Variants in ATP8A2 observed in about 807,000 individuals in gnomAD.
ATP8A2 encodes the protein ATPase phospholipid transporting 8A2.
Under a neutral mutation model 165.6 loss-of-function variants are expected in ATP8A2, and 100 were observed. The observed-to-expected ratio is 0.60, with a 90% CI of 0.51 to 0.71. The LOEUF (loss-of-function observed/expected upper bound fraction) is 0.71, where lower values mean the gene tolerates loss of function less well. Among genes scored for constraint, ATP8A2 ranks in the 30% least tolerant of loss-of-function variants. ATP8A2 has a pLI of 0.00. For synonymous variants in ATP8A2, 543 were observed against 548.8 expected, an observed-to-expected ratio of 0.99 and a Z score of 0.15; for missense variants, 1,227 against 1,479.5, an observed-to-expected ratio of 0.83 and a Z score of 2.80.
At chr13:25,375,061 A>G (rs2137900558) in intron 1 of ATP8A2, among the ~76,000 whole-genome samples, 1 of 152,168 alleles carries the variant, frequency 6.6e-6, no homozygotes, top group East Asian at 1.9e-4. Flanking sequence ...GCTTTCCCCA[A>G]ATATCTACTT....
intron 24 of ATP8A2, among the ~76,000 whole-genome samples, chr13:25,608,300 C>T (rs953987033): frequency 6.6e-6 from 1 of 152,166 alleles, no homozygotes; most frequent in Admixed American, 6.5e-5. Context: ...AAAGCATATC[C>T]AAACCATAGC....
intron 30 of ATP8A2, among the ~76,000 whole-genome samples, chr13:25,847,379 T>A (rs951106529): frequency 2.6e-5 from 4 of 152,268 alleles, no homozygotes; most frequent in Admixed American, 2.6e-4. Context: ...TGACTTTAGC[T>A]GTTTTCCTGT....
intron 28 of ATP8A2, among the ~76,000 whole-genome samples, chr13:25,834,421 GA>G (rs1286369696): frequency 6.6e-6 from 1 of 152,022 alleles, no homozygotes; most frequent in East Asian, 1.9e-4. Context: ...AGAGATAAAA[GA>G]AAAAGTCTGT....
rs761839875 is a variant in ATP8A2 at position 25,839,631 on chromosome 13, G to A, written c.2956+7G>A. On this transcript the variant is annotated splice_region_variant and intron_variant, in intron 30 of 36. Transcript: ENST00000381655. ...ATGAAAGCTCTGGAGCATGGTAAGG[G>A]CTGTGTGATTTCACCTGTCAGCAAG... 6.2e-7 allele frequency: 1 copy of A among 1,612,254 alleles called. No individual in the cohort carries two copies. The highest frequency in any genetic ancestry group is 2.2e-5 in the East Asian group (1 of 44,862).
intron 25 of ATP8A2, among the ~76,000 whole-genome samples, chr13:25,712,330 G>A (rs1378665732): frequency 2.0e-5 from 3 of 151,638 alleles, no homozygotes; most frequent in Non-Finnish European, 4.4e-5. Flanking sequence ...CAGGTGTGGA[G>A]GTGGCTTATG....
intron 1 of ATP8A2, among the ~76,000 whole-genome samples, chr13:25,440,617 T>C (rs892909258): frequency 6.6e-6 from 1 of 152,158 alleles, no homozygotes; most frequent in South Asian, 2.1e-4. Flanking sequence ...GGAGAAGATA[T>C]TGCTCCATAG....
chr13:25,538,685 G>T (rs2038365974), intron 7 of ATP8A2, among the ~76,000 whole-genome samples: 2 of 152,206 alleles, frequency 1.3e-5, no homozygotes, highest in Admixed American at 1.3e-4. Context: ...ATTAGGGCAA[G>T]AATTGACATC....
At chr13:25,775,408 A>C (rs2044719487) in intron 27 of ATP8A2, among the ~76,000 whole-genome samples, 1 of 152,282 alleles carries the variant, frequency 6.6e-6, no homozygotes. Flanking sequence ...AGACTCTGCA[A>C]GTTTCCTAGC....
At chr13:25,674,425 C>T (rs2042331558) in intron 24 of ATP8A2, among the ~76,000 whole-genome samples, 1 of 152,130 alleles carries the variant, frequency 6.6e-6, no homozygotes, top group African/African-American at 2.4e-5. Flanking sequence ...CTTTAGGCCC[C>T]CAAACCAGAT....
In ATP8A2 at chr13:25,614,715, C is replaced by T. The variant is rs139168051; in HGVS notation, c.2211+25016C>T. 1.2e-3 allele frequency among the ~76,000 whole-genome samples: 188 copies of T among 152,248 alleles called. 2 individuals carry two copies. Among genetic ancestry groups the T allele is most frequent in the African/African-American group, 4.1e-3 (169 of 41,540 alleles). ...GGTGTTCTCTTGATGTGGTGCTCTC[C>T]GCCTTTTCCTAGGCATGGGGCTTCC... On this transcript the variant is annotated intron_variant, in intron 24 of 36. Coordinates refer to ENST00000381655, the MANE Select transcript of ATP8A2 (RefSeq NM_016529.6).
chr13:25,520,606 G>GTTTTTTTTTTTTTTT, intron 2 of ATP8A2, among the ~76,000 whole-genome samples: 1 of 114,028 alleles, frequency 8.8e-6, no homozygotes, highest in Non-Finnish European at 1.9e-5. Context: ...TTTTTTTTTT[G>GTTTTTTTTTTTTTTT]TTTTTTTTTT....
chr13:25,735,433 A>T (rs2043746084), intron 25 of ATP8A2, among the ~76,000 whole-genome samples: 1 of 151,856 alleles, frequency 6.6e-6, no homozygotes, highest in African/African-American at 2.4e-5. Context: ...CTAATTTTTT[A>T]AACTTTTTGT....
At chr13:26,017,137 TA>T (rs113964005) in intron 36 of ATP8A2, among the ~76,000 whole-genome samples, 4,173 of 152,222 alleles carry the variant, frequency 0.027, 177 homozygotes, top group African/African-American at 0.088. Context: ...GAAGAGTTTA[TA>T]AAAGAGTATG....
chr13:25,724,276 C>T (rs1449791346), intron 25 of ATP8A2, among the ~76,000 whole-genome samples: 1 of 152,194 alleles, frequency 6.6e-6, no homozygotes, highest in African/African-American at 2.4e-5. Flanking sequence ...GGTAATTGGG[C>T]ATAAATACCC....
chr13:25,965,139 G>A (rs1269304118), intron 34 of ATP8A2, among the ~76,000 whole-genome samples: 1 of 152,282 alleles, frequency 6.6e-6, no homozygotes, highest in Non-Finnish European at 1.5e-5. Flanking sequence ...CAGCCTGGGC[G>A]ACAGAGTGAG....
At chr13:25,895,821 A>G (rs1953525200) in intron 33 of ATP8A2, among the ~76,000 whole-genome samples, 1 of 152,190 alleles carries the variant, frequency 6.6e-6, no homozygotes, top group African/African-American at 2.4e-5. Context: ...TTATTTGCAT[A>G]GAGGTGTTTA....
At chr13:25,492,910 C>T (rs890013789) in intron 2 of ATP8A2, among the ~76,000 whole-genome samples, 3 of 152,144 alleles carry the variant, frequency 2.0e-5, no homozygotes, top group Non-Finnish European at 4.4e-5. Flanking sequence ...GGGTCCGTTC[C>T]CTGTTGCTTT....
At chr13:25,834,767 T>C (rs973978575) in intron 28 of ATP8A2, among the ~76,000 whole-genome samples, 2 of 152,210 alleles carry the variant, frequency 1.3e-5, no homozygotes, top group Non-Finnish European at 2.9e-5. Context: ...CTCAACCTCC[T>C]GGGCTGGAGC....
At chr13:25,683,041 A>G (rs74042140) in intron 24 of ATP8A2, among the ~76,000 whole-genome samples, 5,391 of 152,330 alleles carry the variant, frequency 0.035, 300 homozygotes, top group African/African-American at 0.12. Context: ...CCCGGAAAGT[A>G]AGCATTAATT....
Sources: gnomAD v4.1 joint callset for allele counts (sites outside exome capture counted in the v4.1 genomes callset) on GRCh38, gnomAD v4.1.1 for gene constraint, MANE v1.5 for transcripts, NCBI Gene and HGNC (gene_info 2026-07-23, HGNC 2026-07-21) for gene names.